The following CPLX2 variants were observed in gnomAD, a reference collection of about 807,000 sequenced individuals.
The protein encoded by CPLX2 is complexin-2.
CPLX2 carries 5 observed loss-of-function variants against 16.3 expected under a neutral mutation model. The ratio of observed to expected loss-of-function variants is 0.31; its 90% CI spans 0.16 to 0.64. CPLX2 has a LOEUF of 0.64. Among genes scored for constraint, CPLX2 ranks in the 30% least tolerant of loss-of-function variants. The pLI, the probability that CPLX2 is intolerant of heterozygous loss-of-function variation, is 0.79. For missense variants in CPLX2, 144 were observed against 181.4 expected, an observed-to-expected ratio of 0.79 and a Z score of 1.18; for synonymous variants, 89 against 73.2, an observed-to-expected ratio of 1.22 and a Z score of -1.10.
intron 2 of CPLX2, among the ~76,000 whole-genome samples, chr5:175,846,394 G>A (rs1451629756): frequency 6.6e-6 from 1 of 152,108 alleles, no homozygotes. Context: ...ACCTTGGGCA[G>A]GTCACTTCCA....
At chr5:175,811,926 A>T (rs1033100031) in intron 2 of CPLX2, among the ~76,000 whole-genome samples, 8 of 152,168 alleles carry the variant, frequency 5.3e-5, no homozygotes, top group African/African-American at 1.9e-4. Flanking sequence ...GCATAGAGGG[A>T]TCTTTTTGGG....
In CPLX2 at chr5:175,878,978, G is replaced by C; in HGVS notation, c.102G>C (p.Glu34Asp). The C allele has an allele frequency of 1.2e-6, 2 of 1,608,104 alleles. No individual in the cohort carries two copies. Among genetic ancestry groups the C allele is most frequent in the Non-Finnish European group, 1.7e-6 (2 of 1,177,372 alleles). The change falls in exon 3 of 4, where the codon GAG (glutamate) becomes GAC (aspartate). Residue 34 changes from glutamate to aspartate, a missense_variant. Physicochemically the swap from Glu to Asp is conservative, Grantham distance 45 (BLOSUM62 2). Coordinates refer to ENST00000393745, the MANE Select transcript of CPLX2 (RefSeq NM_001008220.2). Reference protein sequence around the residue: ...EEKDPDAQKKEEERQEALRQQ... With the variant: ...EEKDPDAQKKDEERQEALRQQ... Reference sequence around the variant, plus strand: ...AGGACCCCGACGCGCAGAAAAAGGAGGAGGAGCGGCAGGAGGCGCTGCGGC... The same window carrying C: ...AGGACCCCGACGCGCAGAAAAAGGACGAGGAGCGGCAGGAGGCGCTGCGGC...
At chr5:175,841,484 C>T (rs1395080095) in intron 2 of CPLX2, among the ~76,000 whole-genome samples, 2 of 152,202 alleles carry the variant, frequency 1.3e-5, no homozygotes, top group African/African-American at 4.8e-5. Flanking sequence ...GCAACCAGAG[C>T]AGGGAACGTG....
chr5:175,814,067 T>C (rs1055973599), intron 2 of CPLX2, among the ~76,000 whole-genome samples: 3 of 152,226 alleles, frequency 2.0e-5, no homozygotes, highest in Admixed American at 2.0e-4. Context: ...AAGTGAGTAA[T>C]AGTAAATGCA....
intron 2 of CPLX2, among the ~76,000 whole-genome samples, chr5:175,827,522 G>C (rs369487034): frequency 1.2e-4 from 19 of 152,208 alleles, no homozygotes; most frequent in East Asian, 9.7e-4. Flanking sequence ...TGGGAGGCCG[G>C]GGTGGTTGGA....
At chr5:175,874,780 C>T (rs183488238) in intron 1 of CPLX2, among the ~76,000 whole-genome samples, 139 of 151,780 alleles carry the variant, frequency 9.2e-4, no homozygotes, top group African/African-American at 2.9e-3. Context: ...TAGGGGTGGA[C>T]GAGATTCCCA....
At chr5:175,806,279 C>A (rs1230336327) in intron 1 of CPLX2, among the ~76,000 whole-genome samples, 1 of 151,998 alleles carries the variant, frequency 6.6e-6, no homozygotes, top group Non-Finnish European at 1.5e-5. Context: ...CGTGTCTTTG[C>A]AGATGCTGTT....
rs534534009 is a variant in CPLX2 at position 175,880,222 on chromosome 5, G to A, written c.*177G>A. 379 of 731,478 alleles carry A rather than the reference G, an allele frequency of 5.2e-4. No individual in the cohort carries two copies. Among genetic ancestry groups the A allele is most frequent in the Middle Eastern group, 4.3e-3 (19 of 4,388 alleles). The allele number at this position is 731,478 out of a possible 1,614,324, so 45.3% of individuals were successfully genotyped here. On this transcript the variant is annotated 3_prime_UTR_variant, in exon 4 of 4. Coordinates refer to ENST00000393745, the MANE Select transcript of CPLX2 (RefSeq NM_001008220.2). ...TCCCTCACACCTCCCTTCATCCCAG[G>A]GTATCCACCTGCACCCCACTCCCAA... is the stretch of plus-strand genomic sequence containing the variant.
In CPLX2 at chr5:175,872,584, C is replaced by T. The variant is rs889145743; in HGVS notation, c.-89+879C>T. 6.6e-6 allele frequency among the ~76,000 whole-genome samples: 1 copy of T among 152,108 alleles called. No individual in the cohort carries two copies. The highest frequency in any genetic ancestry group is 2.4e-5 in the African/African-American group (1 of 41,438). ...CCTGTCCTCTCTTCTGGCCGGGAAA[C>T]GGGAACCCCCGGCCACTTCCGCTTT... On this transcript the variant is annotated intron_variant, in intron 1 of 3. Transcript: ENST00000393745. This position sits in a 1 kb window ranked among gnomAD's most constrained non-coding sequence, Gnocchi z 5.0.
At chr5:175,817,740 C>A (rs1280125116) in intron 2 of CPLX2, among the ~76,000 whole-genome samples, 2 of 152,104 alleles carry the variant, frequency 1.3e-5, no homozygotes, top group African/African-American at 4.8e-5. Context: ...TGCGGGGGAA[C>A]TGAGTATAGT....
At chr5:175,806,261 G>A (rs1370070687) in intron 1 of CPLX2, among the ~76,000 whole-genome samples, 1 of 151,278 alleles carries the variant, frequency 6.6e-6, no homozygotes, top group African/African-American at 2.4e-5. Context: ...AGTAAACCAT[G>A]CATCCCCCGT....
At chr5:175,864,130 G>A (rs1245402501) in intron 2 of CPLX2, among the ~76,000 whole-genome samples, 1 of 151,728 alleles carries the variant, frequency 6.6e-6, no homozygotes, top group African/African-American at 2.4e-5. Flanking sequence ...TATTTCCTAA[G>A]CATTGTTTGA....
At chr5:175,846,954 T>C (rs948414370) in intron 2 of CPLX2, among the ~76,000 whole-genome samples, 5 of 152,206 alleles carry the variant, frequency 3.3e-5, no homozygotes, top group African/African-American at 1.2e-4. Flanking sequence ...CTTGGGCACG[T>C]TGATCAAGCT....
intron 2 of CPLX2, among the ~76,000 whole-genome samples, chr5:175,848,919 G>C (rs571144509): frequency 1.3e-5 from 2 of 152,220 alleles, no homozygotes; most frequent in African/African-American, 2.4e-5. Flanking sequence ...GGCTGAAGCA[G>C]AGTGAGCCGG....
intron 1 of CPLX2, among the ~76,000 whole-genome samples, chr5:175,807,266 T>G (rs567652718): frequency 6.6e-6 from 1 of 152,368 alleles, no homozygotes; most frequent in Admixed American, 6.5e-5. Flanking sequence ...CTGCCCACTC[T>G]TCATTCATGG....
chr5:175,871,410 GGAGAGAGAGAGAGAGAGAGAGACAGAGA>G (rs1759592933), upstream of CPLX2: 1 of 28,692 alleles, frequency 3.5e-5, no homozygotes, highest in African/African-American at 1.3e-4. Context: ...AAGAGAGAGA[GGAGAGAGAGAGAGAGAGAGAGACAGAGA>G]GAGAGAGAGA....
At chr5:175,813,471 C>T (rs1461833739) in intron 2 of CPLX2, among the ~76,000 whole-genome samples, 2 of 152,200 alleles carry the variant, frequency 1.3e-5, no homozygotes, top group Non-Finnish European at 2.9e-5. Flanking sequence ...GGTGGTTGAA[C>T]CTAGAACCAT....
intron 2 of CPLX2, among the ~76,000 whole-genome samples, chr5:175,824,002 A>G (rs1758560880): frequency 6.6e-6 from 1 of 152,082 alleles, no homozygotes; most frequent in African/African-American, 2.4e-5. Flanking sequence ...GCTGGGGAGG[A>G]GAGGATCCTT....
chr5:175,803,032 G>T (rs997033087), intron 1 of CPLX2, among the ~76,000 whole-genome samples: 4 of 152,024 alleles, frequency 2.6e-5, no homozygotes, highest in African/African-American at 9.7e-5. Context: ...GGGTTTCACC[G>T]TGTTGGCCAG....
Sources: gnomAD v4.1 joint callset for allele counts (sites outside exome capture counted in the v4.1 genomes callset) on GRCh38, gnomAD v4.1.1 for gene constraint, Gnocchi (gnomAD v3.1) non-coding constraint, MANE v1.5 for transcripts, NCBI Gene and HGNC (gene_info 2026-07-23, HGNC 2026-07-21) for gene names.